WDR45B: variants seen among roughly 807,000 people sequenced by gnomAD.
WDR45B encodes WD repeat domain phosphoinositide-interacting protein 3.
A neutral mutation model predicts 44.6 loss-of-function variants in WDR45B; 20 were observed. That is an observed-to-expected ratio of 0.45 (90% CI 0.32 to 0.65). WDR45B has a LOEUF of 0.65. Ranked by LOEUF, WDR45B falls within the 30% of genes least tolerant of loss-of-function variation. The probability of loss-of-function intolerance (pLI) is 0.05; values close to 1 mark genes in which losing one functional copy is unlikely to be tolerated. For synonymous variants in WDR45B, 169 were observed against 164.9 expected, an observed-to-expected ratio of 1.02 and a Z score of -0.19; for missense variants, 323 against 430.2, an observed-to-expected ratio of 0.75 and a Z score of 2.20.
chr17:82,647,997 C>A (rs1163829564), intron 1 of WDR45B, among the ~76,000 whole-genome samples: 1 of 133,900 alleles, frequency 7.5e-6, no homozygotes, highest in African/African-American at 2.8e-5. Context: ...GACCTCGGCC[C>A]GGGACGGCCG....
At chr17:82,638,364 A>T (rs1265316907) in intron 2 of WDR45B, among the ~76,000 whole-genome samples, 3 of 150,812 alleles carry the variant, frequency 2.0e-5, no homozygotes, top group Non-Finnish European at 4.4e-5. Context: ...AAAGGGGGGT[A>T]GGAGAAGGTC....
chr17:82,631,204 C>G (rs2045761868), intron 2 of WDR45B, among the ~76,000 whole-genome samples, 182 bp from the exon 3 acceptor site: 1 of 151,770 alleles, frequency 6.6e-6, no homozygotes, highest in Non-Finnish European at 1.5e-5. Flanking sequence ...TCACAGCTCA[C>G]TGCAGCCTTG....
intron 2 of WDR45B, among the ~76,000 whole-genome samples, chr17:82,638,626 A>G (rs1054977777): frequency 5.3e-5 from 8 of 152,114 alleles, no homozygotes; most frequent in African/African-American, 1.9e-4. Flanking sequence ...AAATGAGTGA[A>G]AATCAACCAT....
At chr17:82,621,054 CTTT>C (rs11337047) in intron 6 of WDR45B, among the ~76,000 whole-genome samples, 9 of 131,296 alleles carry the variant, frequency 6.9e-5, no homozygotes, top group Non-Finnish European at 4.8e-5. Flanking sequence ...ATTTTTGTTT[CTTT>C]TTTTTTTTTT....
intron 2 of WDR45B, among the ~76,000 whole-genome samples, chr17:82,631,277 AT>A (rs386386786): frequency 0.16 from 13,780 of 86,560 alleles, 805 homozygotes; most frequent in African/African-American, 0.32. Flanking sequence ...TACAGGACTC[AT>A]TTTTTTTTTT....
intron 3 of WDR45B, among the ~76,000 whole-genome samples, chr17:82,628,706 C>T (rs1321603874): frequency 6.6e-6 from 1 of 150,510 alleles, no homozygotes; most frequent in African/African-American, 2.4e-5. Context: ...CAAAAAAACA[C>T]ACAAAAAACA....
intron 2 of WDR45B, among the ~76,000 whole-genome samples, chr17:82,636,850 G>A (rs931915294): frequency 2.6e-5 from 4 of 151,856 alleles, no homozygotes; most frequent in East Asian, 1.9e-4. Context: ...GAAACTGCAC[G>A]TCTCACACGC....
chr17:82,629,000 A>C (rs1378646664), intron 3 of WDR45B, among the ~76,000 whole-genome samples: 2 of 152,180 alleles, frequency 1.3e-5, no homozygotes, highest in African/African-American at 4.8e-5. Context: ...ACCCTGTCTC[A>C]AAACTAAATA....
Position 82,616,687 on chromosome 17 carries a change from G to GA in WDR45B, c.807-43dup, listed in dbSNP as rs753008508. On this transcript the variant is annotated intron_variant, in intron 8 of 9. Coordinates refer to ENST00000392325, the MANE Select transcript of WDR45B (RefSeq NM_019613.4). ...AGAAAGGGTGGTTCAAAGTTTACAGGAAAAAAAATCACCTGCGTAAGCTCA... is the reference window on the plus strand; with the variant it reads ...AGAAAGGGTGGTTCAAAGTTTACAGGAAAAAAAAATCACCTGCGTAAGCTCA... 2.7e-5 allele frequency: 44 copies of GA among 1,610,488 alleles called. No homozygotes were observed. In the Middle Eastern group the frequency reaches 6.6e-4, roughly 24 times the overall value.
intron 2 of WDR45B, among the ~76,000 whole-genome samples, chr17:82,638,254 G>A (rs577193190): frequency 3.1e-5 from 1 of 32,186 alleles, no homozygotes; most frequent in Non-Finnish European, 6.3e-5. Context: ...GGGGAGGGGA[G>A]GGGAGGGGAG....
At chr17:82,645,204 A>C (rs2143389801) in intron 1 of WDR45B, among the ~76,000 whole-genome samples, 1 of 152,142 alleles carries the variant, frequency 6.6e-6, no homozygotes, top group African/African-American at 2.4e-5. Context: ...AGGCTGAGAC[A>C]GGAGAATCAC....
intron 2 of WDR45B, 93 bp from the exon 3 acceptor site, chr17:82,631,115 GCA>G: frequency 7.9e-7 from 1 of 1,270,576 alleles, no homozygotes; most frequent in Non-Finnish European, 1.1e-6. Context: ...AGGTAACGCA[GCA>G]ATTTTCTATT....
At chr17:82,633,348 T>TA (rs768804184) in intron 2 of WDR45B, among the ~76,000 whole-genome samples, 2 of 152,042 alleles carry the variant, frequency 1.3e-5, no homozygotes, top group African/African-American at 2.4e-5. Context: ...AACTCAACAA[T>TA]AAAAAAATTA....
At chr17:82,618,855 G>A (rs375360714) in intron 7 of WDR45B, among the ~76,000 whole-genome samples, 188 bp downstream of exon 7, 1 of 152,136 alleles carries the variant, frequency 6.6e-6, no homozygotes, top group African/African-American at 2.4e-5. Context: ...AATTTCCCAC[G>A]ATAAAAACTT....
chr17:82,617,782 G>A (rs1400383530), intron 7 of WDR45B, among the ~76,000 whole-genome samples: 4 of 152,200 alleles, frequency 2.6e-5, no homozygotes, highest in Non-Finnish European at 4.4e-5. Flanking sequence ...GGAAGGTGCA[G>A]GCTGCCCCTA....
chr17:82,623,651 T>C (rs549270316), intron 5 of WDR45B, among the ~76,000 whole-genome samples: 1 of 149,114 alleles, frequency 6.7e-6, no homozygotes, highest in Admixed American at 6.7e-5. Flanking sequence ...TGAGCCGAGA[T>C]CATGCCACTG....
chr17:82,620,162 G>A (rs911633915), intron 6 of WDR45B, among the ~76,000 whole-genome samples: 16 of 152,280 alleles, frequency 1.1e-4, no homozygotes, highest in African/African-American at 2.6e-4. Context: ...GGCTGGGTGC[G>A]GTGGCTCACG....
chr17:82,616,852 C>T (rs2045543805), intron 8 of WDR45B, among the ~76,000 whole-genome samples: 1 of 151,730 alleles, frequency 6.6e-6, no homozygotes, highest in African/African-American at 2.4e-5. Context: ...GAGTCTCGCT[C>T]TGTAGCCCAG....
chr17:82,647,917 G>C (rs927217356), intron 1 of WDR45B, among the ~76,000 whole-genome samples: 5 of 150,914 alleles, frequency 3.3e-5, no homozygotes, highest in African/African-American at 1.2e-4. Context: ...GGGAACCCGA[G>C]TGGGCGTGGC....
Sources: allele counts gnomAD v4.1 joint callset (sites outside exome capture counted in the v4.1 genomes callset), GRCh38; gene constraint gnomAD v4.1.1; transcripts MANE v1.5; gene names NCBI Gene and HGNC (gene_info 2026-07-23, HGNC 2026-07-21).